The following DMGDH variants were observed in gnomAD, a reference collection of about 807,000 sequenced individuals.
The protein encoded by DMGDH is dimethylglycine dehydrogenase, also known as dimethylglycine dehydrogenase, mitochondrial.
In DMGDH, 76 loss-of-function variants were observed where a neutral mutation model predicts 95.2. The observed-to-expected ratio is 0.80, with a 90% CI of 0.66 to 0.97. The LOEUF is 0.97. Among genes scored for constraint, DMGDH ranks in the 50% least tolerant of loss-of-function variants. DMGDH has a pLI of 0.00. For missense variants in DMGDH, 987 were observed against 1,055.0 expected, an observed-to-expected ratio of 0.94 and a Z score of 0.89; for synonymous variants, 345 against 377.6, an observed-to-expected ratio of 0.91 and a Z score of 1.00.
At chr5:79,052,448 A>G (rs529993042) in intron 4 of DMGDH, among the ~76,000 whole-genome samples, 5 of 152,268 alleles carry the variant, frequency 3.3e-5, no homozygotes, top group Non-Finnish European at 7.4e-5. Context: ...TCTTTGTGGG[A>G]AGTTTTTGAT....
intron 14 of DMGDH, among the ~76,000 whole-genome samples, chr5:79,019,631 T>C (rs1310142974): frequency 1.3e-5 from 2 of 152,144 alleles, no homozygotes; most frequent in Admixed American, 1.3e-4. Flanking sequence ...ATGCCTGTAA[T>C]CCTAGCACTT....
At chr5:79,064,985 A>C (rs1256944459) in intron 1 of DMGDH, among the ~76,000 whole-genome samples, 4 of 152,052 alleles carry the variant, frequency 2.6e-5, no homozygotes, top group Non-Finnish European at 5.9e-5. Flanking sequence ...CCTGACCTCA[A>C]GTGATCCTCC....
At chr5:79,061,883 T>C (rs1450952557) in intron 2 of DMGDH, among the ~76,000 whole-genome samples, 2 of 152,266 alleles carry the variant, frequency 1.3e-5, no homozygotes, top group African/African-American at 4.8e-5. Context: ...CACTCCAGCC[T>C]GGGCAACAGA....
At chr5:79,020,564 A>G in intron 14 of DMGDH, 2 of 713,228 alleles carry the variant, frequency 2.8e-6, no homozygotes, top group Non-Finnish European at 3.4e-6. Flanking sequence ...CCTCTTTACC[A>G]GCTTTTTTGG....
At chr5:79,021,610 A>C (rs560098582) in intron 14 of DMGDH, 1 of 1,313,438 alleles carries the variant, frequency 7.6e-7, no homozygotes, top group Non-Finnish European at 1.0e-6. Flanking sequence ...ATTCACCCTA[A>C]TAAGGCCTGA....
chr5:79,028,963 TGA>T (rs1754076829), intron 11 of DMGDH, among the ~76,000 whole-genome samples: 1 of 152,238 alleles, frequency 6.6e-6, no homozygotes, highest in South Asian at 2.1e-4. Context: ...TTTAAACTAA[TGA>T]TTCAGCCTTG....
intron 15 of DMGDH, among the ~76,000 whole-genome samples, chr5:79,002,577 T>C (rs1346054639): frequency 6.6e-6 from 1 of 152,190 alleles, no homozygotes; most frequent in South Asian, 2.1e-4. Context: ...TTTTGTTCAC[T>C]GCTGTATTCC....
chr5:79,036,198 TG>T (rs1431215549), intron 7 of DMGDH, among the ~76,000 whole-genome samples: 1 of 152,240 alleles, frequency 6.6e-6, no homozygotes, highest in Non-Finnish European at 1.5e-5. Flanking sequence ...GAATACATGG[TG>T]GCTATTGGGC....
rs929359642 is a variant in DMGDH at position 79,069,552 on chromosome 5, G to A, written c.69C>T (p.Pro23=). Reference sequence around the variant, plus strand: ...GGCCGCAGACAGAGCGCGGGCGCCCGGGGGAGCCCTGCAGCGGGCAGCTCC... The same window carrying A: ...GGCCGCAGACAGAGCGCGGGCGCCCAGGGGAGCCCTGCAGCGGGCAGCTCC... ...LLRSCPLQGS[P]GRPRSVCGRE... Residue 23 remains proline, a synonymous_variant, in exon 1 of 16, where the codon CCC becomes CCT. Transcript: ENST00000255189. 1.2e-4 allele frequency: 152 copies of A among 1,317,760 alleles called. No individual in the cohort carries two copies. Among genetic ancestry groups the A allele is most frequent in the Non-Finnish European group, 1.1e-4 (110 of 1,036,044 alleles). 81.6% of individuals were successfully genotyped at this position (1,317,760 alleles called of 1,614,324 possible). A position where few individuals can be genotyped will look rare whatever the true frequency, so the allele number is the denominator to read the frequency against.
intron 5 of DMGDH, among the ~76,000 whole-genome samples, chr5:79,045,892 G>A (rs1023715465): frequency 6.6e-6 from 1 of 152,132 alleles, no homozygotes; most frequent in African/African-American, 2.4e-5. Context: ...TTATGTACTT[G>A]TGTGTGTAAG....
chr5:79,052,432 G>A (rs1754895696), intron 4 of DMGDH, among the ~76,000 whole-genome samples: 1 of 152,090 alleles, frequency 6.6e-6, no homozygotes, highest in Non-Finnish European at 1.5e-5. Flanking sequence ...TCCAGGCCTG[G>A]GGTTTTCTTT....
At position 79,028,538 on chromosome 5, in the gene DMGDH, T is replaced by C. The variant is rs138871430; in HGVS notation, c.1927A>G (p.Lys643Glu). 1,495 of 1,614,158 alleles carry C rather than the reference T, an allele frequency of 9.3e-4. 2 individuals are homozygous for C. The highest frequency in any genetic ancestry group is 1.2e-3 in the Non-Finnish European group (1,386 of 1,180,018). The change falls in exon 12 of 16, where the codon AAA becomes GAA. Residue 643 changes from lysine to glutamate, a missense_variant. Lys to Glu is a moderately conservative substitution (Grantham distance 56, BLOSUM62 1). Transcript: ENST00000255189. ...AGPQARKVLQ[K>E]LTSEDLSDDV... is the part of the protein sequence containing the mutation. The stretch of plus-strand genomic sequence containing the variant: ...TCACTAAGATCTTCAGAGGTCAGTT[T>C]CTGAAGGACCTTTCTTGCCTGTGGC...
At chr5:79,061,232 C>T (rs201788908) in intron 2 of DMGDH, among the ~76,000 whole-genome samples, 53,405 of 135,204 alleles carry the variant, frequency 0.39, 10,863 homozygotes, top group East Asian at 0.62. Flanking sequence ...CACACACACA[C>T]ACACACACAC....
At position 79,036,599 on chromosome 5, in the gene DMGDH, G is replaced by A. The variant is rs187681648; in HGVS notation, c.1194-3191C>T. ...AAATGTCCAAAGTAAAATAGCTGTG[G>A]CTGAGGATATTCTGCGAGTAAGGTA... On this transcript the variant is annotated intron_variant, in intron 7 of 15. Coordinates refer to ENST00000255189, the MANE Select transcript of DMGDH (RefSeq NM_013391.3). Among the ~76,000 whole-genome samples, 9 of 152,242 alleles carry A rather than the reference G, an allele frequency of 5.9e-5. No homozygotes were observed. The East Asian group carries it at 1.7e-3, about 29-fold the overall frequency.
chr5:79,024,210 T>C (rs1753935972), intron 14 of DMGDH, 61 bp downstream of exon 14: 1 of 1,488,920 alleles, frequency 6.7e-7, no homozygotes, highest in Non-Finnish European at 9.4e-7. Context: ...AATGGCTCTG[T>C]CACAAAATAG....
At chr5:79,020,601 G>A (rs931092478) in intron 14 of DMGDH, 4 of 921,174 alleles carry the variant, frequency 4.3e-6, no homozygotes, top group Non-Finnish European at 3.9e-6. Context: ...TTATCGAACA[G>A]TTATGCTTTA....
intron 7 of DMGDH, among the ~76,000 whole-genome samples, chr5:79,040,409 G>A (rs1433804625): frequency 2.0e-5 from 3 of 152,206 alleles, no homozygotes; most frequent in Non-Finnish European, 2.9e-5. Flanking sequence ...CTATACATAT[G>A]AAAAGACTAA....
intron 7 of DMGDH, among the ~76,000 whole-genome samples, chr5:79,035,767 AATTT>A (rs1754331987): frequency 6.6e-6 from 1 of 152,154 alleles, no homozygotes; most frequent in Non-Finnish European, 1.5e-5. Flanking sequence ...AATCAAATCT[AATTT>A]ATTTCTAAAA....
Position 78,998,120 on chromosome 5 carries a change from T to C in DMGDH, c.2563A>G (p.Asn855Asp). ...EPLVLTEPTR[N>D]RLQKKGGKDK... ...TTTCCACCTTTTTTCTGAAGCCGGT[T>C]TCTGGTTGGTTCGGTCAATACCAAA... Residue 855 changes from asparagine (N) to aspartate (D), a missense_variant, in exon 16 of 16, where the codon AAC (asparagine) becomes GAC (aspartate). Physicochemically the swap from Asn to Asp is conservative, Grantham distance 23. Transcript: ENST00000255189. 5 of 1,614,236 alleles carry C rather than the reference T, an allele frequency of 3.1e-6. No individual in the cohort carries two copies. The highest frequency in any genetic ancestry group is 4.2e-6 in the Non-Finnish European group (5 of 1,180,040).
Sources: allele counts gnomAD v4.1 joint callset (sites outside exome capture counted in the v4.1 genomes callset), GRCh38; gene constraint gnomAD v4.1.1; transcripts MANE v1.5; gene names NCBI Gene and HGNC (gene_info 2026-07-23, HGNC 2026-07-21).